CHSY3: variants seen among roughly 807,000 people sequenced by gnomAD.
The protein encoded by CHSY3 is N-acetylgalactosaminyl-proteoglycan 3-beta-glucuronosyltransferase 3.
A neutral mutation model predicts 67.2 loss-of-function variants in CHSY3; 35 were observed. The ratio of observed to expected loss-of-function variants is 0.52; its 90% CI spans 0.40 to 0.69. CHSY3 has a LOEUF of 0.69. CHSY3 is among the 30% of genes least tolerant of loss of function. The probability of loss-of-function intolerance (pLI) is 0.00; values close to 1 mark genes in which losing one functional copy is unlikely to be tolerated. For synonymous variants in CHSY3, 474 were observed against 434.7 expected (o/e 1.09, Z -1.12); for missense variants, 1,069 against 1,138.5 (o/e 0.94, Z 0.88).
chr5:130,065,500 A>G (rs570389790), intron 2 of CHSY3, among the ~76,000 whole-genome samples: 26 of 152,192 alleles, frequency 1.7e-4, no homozygotes, highest in Admixed American at 5.2e-4. Context: ...TATGGAGTAC[A>G]CTAGGGCCCA....
chr5:130,052,410 T>C (rs1158201586), intron 2 of CHSY3, among the ~76,000 whole-genome samples: 1 of 152,190 alleles, frequency 6.6e-6, no homozygotes, highest in Non-Finnish European at 1.5e-5. Flanking sequence ...AGCTACATAA[T>C]TGCCATTGGG....
intron 2 of CHSY3, among the ~76,000 whole-genome samples, chr5:130,101,519 A>G (rs1357784614): frequency 1.3e-5 from 2 of 152,142 alleles, no homozygotes; most frequent in African/African-American, 2.4e-5. Flanking sequence ...ATTTTGATAT[A>G]TGTAGACATT....
chr5:129,931,914 A>G (rs55963055), intron 2 of CHSY3, among the ~76,000 whole-genome samples: 4,060 of 152,092 alleles, frequency 0.027, 185 homozygotes, highest in African/African-American at 0.093. Context: ...TAGCTTTCTT[A>G]GCAGAAGAAG....
chr5:130,067,996 G>T (rs1282791815), intron 2 of CHSY3, among the ~76,000 whole-genome samples: 2 of 152,082 alleles, frequency 1.3e-5, no homozygotes, highest in Non-Finnish European at 2.9e-5. Flanking sequence ...GAATAAATGG[G>T]TACTGGACTC....
intron 2 of CHSY3, among the ~76,000 whole-genome samples, chr5:129,954,095 G>A (rs1762100778): frequency 6.6e-6 from 1 of 152,020 alleles, no homozygotes; most frequent in African/African-American, 2.4e-5. Flanking sequence ...TTTTCTTTTG[G>A]GGTCTTTATG....
intron 2 of CHSY3, among the ~76,000 whole-genome samples, chr5:130,183,040 T>C (rs1241254841): frequency 6.6e-6 from 1 of 152,134 alleles, no homozygotes; most frequent in Non-Finnish European, 1.5e-5. Context: ...ATTTCTTTCT[T>C]CTTATTCATC....
chr5:130,093,000 G>A (rs901101038), intron 2 of CHSY3, among the ~76,000 whole-genome samples: 16 of 152,134 alleles, frequency 1.1e-4, no homozygotes, highest in African/African-American at 3.6e-4. Flanking sequence ...GAGGCCTCAT[G>A]GTTGGTTTCC....
chr5:130,017,875 A>G (rs996743371), intron 2 of CHSY3, among the ~76,000 whole-genome samples: 3 of 152,152 alleles, frequency 2.0e-5, no homozygotes, highest in Non-Finnish European at 4.4e-5. Context: ...ATTTTCTTTT[A>G]TATCTTGAGA....
intron 2 of CHSY3, among the ~76,000 whole-genome samples, chr5:130,170,831 T>C (rs1307039747): frequency 1.4e-5 from 1 of 70,524 alleles, no homozygotes; most frequent in African/African-American, 3.9e-5. Context: ...TTTAATCAAG[T>C]TTTTTTTTTT....
intron 2 of CHSY3, among the ~76,000 whole-genome samples, chr5:130,109,275 A>G (rs1191991301): frequency 6.6e-6 from 1 of 151,694 alleles, no homozygotes; most frequent in Admixed American, 6.6e-5. Flanking sequence ...TATCATTTTA[A>G]GAGACATAGA....
At chr5:130,156,697 A>G (rs1439868277) in intron 2 of CHSY3, among the ~76,000 whole-genome samples, 1 of 152,200 alleles carries the variant, frequency 6.6e-6, no homozygotes, top group African/African-American at 2.4e-5. Context: ...GCAGCAGATA[A>G]ACAAATTACT....
intron 2 of CHSY3, among the ~76,000 whole-genome samples, chr5:129,932,018 G>GA (rs927729720): frequency 2.5e-4 from 37 of 149,458 alleles, no homozygotes; most frequent in African/African-American, 8.4e-4. Context: ...TAGGATGTAT[G>GA]AAAAAACATG....
chr5:129,993,317 T>G (rs951996957), intron 2 of CHSY3, among the ~76,000 whole-genome samples: 1 of 152,140 alleles, frequency 6.6e-6, no homozygotes, highest in Middle Eastern at 3.2e-3. Flanking sequence ...GGTGTTAAAG[T>G]CTCCCACTAT....
intron 2 of CHSY3, among the ~76,000 whole-genome samples, chr5:130,021,133 T>TA (rs1764377721): frequency 6.6e-6 from 1 of 152,238 alleles, no homozygotes; most frequent in African/African-American, 2.4e-5. Flanking sequence ...TCATATTTTT[T>TA]ATCATATACT....
chr5:130,125,363 G>A (rs1297366910), intron 2 of CHSY3, among the ~76,000 whole-genome samples: 1 of 152,080 alleles, frequency 6.6e-6, no homozygotes, highest in Admixed American at 6.5e-5. Flanking sequence ...GCTGCAGCGA[G>A]CTGTGATCAT....
chr5:129,946,048 C>T (rs1475703921), intron 2 of CHSY3, among the ~76,000 whole-genome samples: 2 of 152,158 alleles, frequency 1.3e-5, no homozygotes, highest in African/African-American at 4.8e-5. Flanking sequence ...AATAGCAGCA[C>T]AGAAGCACAA....
intron 2 of CHSY3, among the ~76,000 whole-genome samples, chr5:129,999,391 C>T (rs931622922): frequency 3.9e-5 from 6 of 152,052 alleles, no homozygotes; most frequent in Non-Finnish European, 8.8e-5. Flanking sequence ...TATCTAAAAA[C>T]TTTCCATCAT....
At chr5:130,168,172 C>A in intron 2 of CHSY3, among the ~76,000 whole-genome samples, 1 of 152,110 alleles carries the variant, frequency 6.6e-6, no homozygotes, top group East Asian at 1.9e-4. Flanking sequence ...GAAAGACTAC[C>A]TTGTTTCCAT....
intron 2 of CHSY3, among the ~76,000 whole-genome samples, chr5:129,938,842 ATCT>A (rs1465143297): frequency 2.6e-5 from 4 of 152,072 alleles, no homozygotes; most frequent in East Asian, 1.9e-4. Flanking sequence ...TCATTTTCTC[ATCT>A]TCTTCTGAGC....
Sources: gnomAD v4.1 joint callset for allele counts (sites outside exome capture counted in the v4.1 genomes callset) on GRCh38, gnomAD v4.1.1 for gene constraint, MANE v1.5 for transcripts, NCBI Gene and HGNC (gene_info 2026-07-23, HGNC 2026-07-21) for gene names.